GPC6: variants seen among roughly 807,000 people sequenced by gnomAD.
The protein encoded by GPC6 is glypican-6.
A neutral mutation model predicts 55.2 loss-of-function variants in GPC6; 14 were observed. The ratio of observed to expected loss-of-function variants is 0.25; its 90% CI spans 0.17 to 0.40. The LOEUF (loss-of-function observed/expected upper bound fraction) is 0.40, where lower values mean the gene tolerates loss of function less well. GPC6 is among the 10% of genes least tolerant of loss of function. GPC6 has a pLI of 1.00. For synonymous variants in GPC6, 278 were observed against 259.6 expected, an observed-to-expected ratio of 1.07 and a Z score of -0.68; for missense variants, 641 against 708.5, an observed-to-expected ratio of 0.90 and a Z score of 1.08.
chr13:93,239,888 C>G (rs1594046911), intron 1 of GPC6, among the ~76,000 whole-genome samples: 1 of 151,970 alleles, frequency 6.6e-6, no homozygotes, highest in Non-Finnish European at 1.5e-5. Context: ...TGTCATTGAC[C>G]TAAAAGTCCT....
chr13:93,497,402 A>G (rs112082155), intron 1 of GPC6, among the ~76,000 whole-genome samples: 1 of 152,250 alleles, frequency 6.6e-6, no homozygotes, highest in African/African-American at 2.4e-5. Context: ...TTAGTGAAAG[A>G]GAAGCATCAG....
rs941999433 is a variant in GPC6 at position 93,812,714 on chromosome 13, C to G, written c.320-17440C>G. On this transcript the variant is annotated intron_variant, in intron 2 of 8. Transcript: ENST00000377047. Reference sequence around the variant, plus strand: ...AATGACCAAGGGTGTTTGTTATTAGCAAGTGTTTCGTTCTTGAGAAACTAA... The same window carrying G: ...AATGACCAAGGGTGTTTGTTATTAGGAAGTGTTTCGTTCTTGAGAAACTAA... Among the ~76,000 whole-genome samples the G allele has an allele frequency of 2.0e-5, 3 of 152,092 alleles. No homozygotes were observed. In the East Asian group the frequency reaches 5.8e-4, roughly 29 times the overall value.
intron 3 of GPC6, among the ~76,000 whole-genome samples, chr13:93,888,340 TG>T (rs1278240525): frequency 2.0e-5 from 3 of 152,164 alleles, no homozygotes; most frequent in Non-Finnish European, 4.4e-5. Flanking sequence ...GAATACAGCC[TG>T]TAAGATATGC....
intron 2 of GPC6, 137 bp downstream of exon 2, chr13:93,545,558 G>A: frequency 1.3e-6 from 1 of 766,050 alleles, no homozygotes; most frequent in Non-Finnish European, 2.2e-6. Context: ...TCTATTTTTA[G>A]AAAAAGCATG....
At chr13:93,909,592 T>C (rs1279532060) in intron 3 of GPC6, among the ~76,000 whole-genome samples, 1 of 152,182 alleles carries the variant, frequency 6.6e-6, no homozygotes, top group Non-Finnish European at 1.5e-5. Context: ...TATCCTTCTA[T>C]CTGATCAAGC....
At chr13:93,531,465 C>T (rs139498115) in intron 1 of GPC6, among the ~76,000 whole-genome samples, 3 of 152,070 alleles carry the variant, frequency 2.0e-5, no homozygotes, top group Non-Finnish European at 4.4e-5. Context: ...TCAGTTTTTG[C>T]GTATAAAACC....
rs576803416 is a variant in GPC6, at chr13:94,077,453, A to T, written c.877+49559A>T. Among the ~76,000 whole-genome samples the T allele has an allele frequency of 2.8e-4, 43 of 151,888 alleles. 2 individuals carry two copies. The highest frequency in any genetic ancestry group is 2.1e-3 in the South Asian group (10 of 4,822). On this transcript the variant is annotated intron_variant, in intron 4 of 8. Coordinates refer to ENST00000377047, the MANE Select transcript of GPC6 (RefSeq NM_005708.5). ...ATTTAAGTTTTTCCTTTCCAATTGG[A>T]AGCCTTTTATTTTTTTTTCTTGTTT...
At chr13:93,912,482 G>A (rs2152904) in intron 3 of GPC6, among the ~76,000 whole-genome samples, 2 of 152,042 alleles carry the variant, frequency 1.3e-5, no homozygotes, top group East Asian at 3.9e-4. Context: ...AGTGGCTCAC[G>A]CCTGTAATCC....
chr13:93,505,506 T>A (rs1279576506), intron 1 of GPC6, among the ~76,000 whole-genome samples: 1 of 151,944 alleles, frequency 6.6e-6, no homozygotes, highest in Non-Finnish European at 1.5e-5. Context: ...TTACAGCCAG[T>A]GGCACTCAAC....
chr13:93,928,645 A>G (rs2140352206), intron 3 of GPC6, among the ~76,000 whole-genome samples: 1 of 152,258 alleles, frequency 6.6e-6, no homozygotes, highest in African/African-American at 2.4e-5. Context: ...GTGCATTTTC[A>G]TCTTTCACTT....
chr13:94,352,961 GCTAAGGAAA>G (rs1878624291), intron 6 of GPC6, among the ~76,000 whole-genome samples: 3 of 152,280 alleles, frequency 2.0e-5, no homozygotes, highest in Non-Finnish European at 4.4e-5. Context: ...ATGTCCTTTA[GCTAAGGAAA>G]ACACAAGTGC....
chr13:93,864,811 TAGAACTCTA>T (rs1201333823), intron 3 of GPC6, among the ~76,000 whole-genome samples: 17 of 151,682 alleles, frequency 1.1e-4, no homozygotes, highest in Non-Finnish European at 2.4e-4. Flanking sequence ...GACCCAAATG[TAGAACTCTA>T]ACCACTGTAC....
At chr13:93,885,263 A>G (rs1875252571) in intron 3 of GPC6, among the ~76,000 whole-genome samples, 1 of 149,968 alleles carries the variant, frequency 6.7e-6, no homozygotes. Flanking sequence ...ACATCCAGCC[A>G]TTTATCTCTG....
chr13:93,629,421 T>C (rs1879339287), intron 2 of GPC6, among the ~76,000 whole-genome samples: 1 of 152,162 alleles, frequency 6.6e-6, no homozygotes. Flanking sequence ...GTGCATCTTT[T>C]TTATTCAGAG....
chr13:93,757,002 G>A (rs562643606), intron 2 of GPC6, among the ~76,000 whole-genome samples: 12 of 152,056 alleles, frequency 7.9e-5, no homozygotes, highest in East Asian at 1.9e-4. Context: ...ATTTTACATC[G>A]CAAAGATTCT....
At chr13:93,400,184 C>T (rs1047367551) in intron 1 of GPC6, among the ~76,000 whole-genome samples, 3 of 152,060 alleles carry the variant, frequency 2.0e-5, no homozygotes, top group African/African-American at 4.8e-5. Flanking sequence ...TCACCTCTTC[C>T]GACCCGAATT....
Position 94,403,491 on chromosome 13 carries a change from C to G in GPC6, c.*274C>G. The G allele has an allele frequency of 8.6e-6, 4 of 466,542 alleles. No individual in the cohort carries two copies. Among genetic ancestry groups the G allele is most frequent in the Non-Finnish European group, 1.2e-5 (3 of 253,998 alleles). The allele number at this position is 466,542 out of a possible 1,614,324, so 28.9% of individuals were successfully genotyped here. ...TTTTTCGTACCAGGAGATTTTCTTA[C>G]CTTCATTTGCTTTTATGCTGCAGAA... On this transcript the variant is annotated 3_prime_UTR_variant, in exon 9 of 9. Transcript: ENST00000377047.
chr13:93,532,580 G>A (rs1881908939), intron 1 of GPC6, among the ~76,000 whole-genome samples: 1 of 152,152 alleles, frequency 6.6e-6, no homozygotes, highest in African/African-American at 2.4e-5. Context: ...CACTCCAGAT[G>A]CTTTCTGCTT....
At chr13:93,954,221 G>T (rs1484888260) in intron 3 of GPC6, among the ~76,000 whole-genome samples, 1 of 152,154 alleles carries the variant, frequency 6.6e-6, no homozygotes, top group Non-Finnish European at 1.5e-5. Flanking sequence ...TTTACAACTT[G>T]CTATGTATGG....
Sources: gnomAD v4.1 joint callset for allele counts (sites outside exome capture counted in the v4.1 genomes callset) on GRCh38, gnomAD v4.1.1 for gene constraint, MANE v1.5 for transcripts, NCBI Gene and HGNC (gene_info 2026-07-23, HGNC 2026-07-21) for gene names.